The following PTPRG variants were observed in gnomAD, a reference collection of about 807,000 sequenced individuals.
PTPRG encodes protein tyrosine phosphatase receptor type G, also known as receptor-type tyrosine-protein phosphatase gamma.
Under a neutral mutation model 165.3 loss-of-function variants are expected in PTPRG, and 102 were observed. The observed-to-expected ratio is 0.62, with a 90% confidence interval of 0.53 to 0.73. The LOEUF is 0.73. Among genes scored for constraint, PTPRG ranks in the 30% least tolerant of loss-of-function variants. The probability of loss-of-function intolerance (pLI) is 0.00; values close to 1 mark genes in which losing one functional copy is unlikely to be tolerated. For missense variants in PTPRG, 1,866 were observed against 1,861.4 expected (o/e 1.00, Z -0.05); for synonymous variants, 675 against 669.5 (o/e 1.01, Z -0.13).
chr3:61,601,546 C>CA (rs757030628), intron 1 of PTPRG, among the ~76,000 whole-genome samples: 1 of 152,114 alleles, frequency 6.6e-6, no homozygotes, highest in Non-Finnish European at 1.5e-5. Context: ...TCAACAAAAA[C>CA]AAAAACGATG....
chr3:62,012,417 C>G (rs111561656), intron 4 of PTPRG, among the ~76,000 whole-genome samples: 3 of 152,200 alleles, frequency 2.0e-5, no homozygotes, highest in East Asian at 1.9e-4. Context: ...GCTTATTGTA[C>G]CAGTTGAGTG....
At chr3:62,183,453 A>G (rs745591878) in intron 8 of PTPRG, among the ~76,000 whole-genome samples, 1 of 151,946 alleles carries the variant, frequency 6.6e-6, no homozygotes. Context: ...AATCTCAGCT[A>G]CTTGGGAGGC....
intron 5 of PTPRG, among the ~76,000 whole-genome samples, chr3:62,116,204 G>C (rs988066141): frequency 2.0e-5 from 3 of 152,076 alleles, no homozygotes; most frequent in Non-Finnish European, 2.9e-5. Context: ...GTGAGGTTCT[G>C]CTGACTTCCG....
chr3:61,767,894 T>G (rs887977438), intron 2 of PTPRG, among the ~76,000 whole-genome samples: 68 of 144,186 alleles, frequency 4.7e-4, no homozygotes, highest in African/African-American at 1.7e-3. Context: ...TGCTTGAGCC[T>G]GGGAGGTTGA....
In PTPRG at chr3:62,146,024, G is replaced by A. The variant is rs1398023626; in HGVS notation, c.683-11043G>A. Among the ~76,000 whole-genome samples, 3 of 152,200 alleles carry A rather than the reference G, an allele frequency of 2.0e-5. No homozygotes were observed. The East Asian group carries it at 5.8e-4, about 29-fold the overall frequency. ...ACTGAGCATCAAAAGGAAGCTAAAAGAATGTACACGTCGTGTCAGTTATGG... is the reference window on the plus strand; with the variant it reads ...ACTGAGCATCAAAAGGAAGCTAAAAAAATGTACACGTCGTGTCAGTTATGG... On this transcript the variant is annotated intron_variant, in intron 6 of 29. Transcript: ENST00000474889.
intron 1 of PTPRG, among the ~76,000 whole-genome samples, chr3:61,647,895 A>T (rs576686610): frequency 1.3e-5 from 2 of 150,968 alleles, no homozygotes; most frequent in South Asian, 2.1e-4. Flanking sequence ...ATGCCTTGAG[A>T]TGTTCCCTTA....
intron 9 of PTPRG, 74 bp downstream of exon 9, chr3:62,191,727 T>C (rs1204826880): frequency 3.6e-6 from 5 of 1,404,046 alleles, no homozygotes; most frequent in Non-Finnish European, 4.9e-6. Context: ...TGCCAGGCAC[T>C]GCACAGTGTG....
At chr3:61,730,157 TGTAAGGGA>T (rs1193362843) in intron 1 of PTPRG, among the ~76,000 whole-genome samples, 2 of 152,210 alleles carry the variant, frequency 1.3e-5, no homozygotes, top group Admixed American at 1.3e-4. Flanking sequence ...GCAGCTTGCC[TGTAAGGGA>T]TACCGTCTGT....
intron 3 of PTPRG, among the ~76,000 whole-genome samples, chr3:61,998,641 A>G (rs1472693358): frequency 2.6e-5 from 4 of 152,224 alleles, no homozygotes; most frequent in Admixed American, 6.5e-5. Flanking sequence ...TCAAGAAGGT[A>G]TAGACCTCCA....
intron 1 of PTPRG, among the ~76,000 whole-genome samples, chr3:61,670,772 T>C (rs1473349048): frequency 6.6e-6 from 1 of 152,168 alleles, no homozygotes; most frequent in Non-Finnish European, 1.5e-5. Flanking sequence ...CATGGTTGAG[T>C]CTGCTGTCGT....
At chr3:62,014,635 G>C (rs2041498191) in intron 4 of PTPRG, among the ~76,000 whole-genome samples, 1 of 152,108 alleles carries the variant, frequency 6.6e-6, no homozygotes, top group Non-Finnish European at 1.5e-5. Flanking sequence ...CCTGATTAGG[G>C]AAGACTTGGA....
intron 16 of PTPRG, among the ~76,000 whole-genome samples, chr3:62,256,163 T>A (rs1701530435): frequency 6.6e-6 from 1 of 152,160 alleles, no homozygotes; most frequent in East Asian, 1.9e-4. Context: ...CCCATCTCTT[T>A]CAACAAAATT....
intron 3 of PTPRG, among the ~76,000 whole-genome samples, chr3:61,996,498 C>T (rs994894282): frequency 2.2e-4 from 34 of 152,280 alleles, no homozygotes; most frequent in African/African-American, 8.2e-4. Context: ...GACTGCCAAG[C>T]TTCTGATTAA....
chr3:61,999,056 C>CT (rs909368134), intron 3 of PTPRG, among the ~76,000 whole-genome samples: 64 of 151,010 alleles, frequency 4.2e-4, no homozygotes, highest in Admixed American at 6.0e-4. Flanking sequence ...CTCTTTTTTT[C>CT]TTTTTTTTTG....
chr3:61,672,768 GGAGAGGGAGAGAGGGAGA>G (rs1168022179), intron 1 of PTPRG, among the ~76,000 whole-genome samples: 18 of 143,106 alleles, frequency 1.3e-4, no homozygotes, highest in South Asian at 4.4e-4. Context: ...GGGAGAAGAG[GGAGAGGGAGAGAGGGAGA>G]GAGAGGGAGA....
intron 1 of PTPRG, among the ~76,000 whole-genome samples, chr3:61,672,733 GGGGAGA>G (rs150569166): frequency 0.72 from 84,968 of 118,368 alleles, 31,191 homozygotes; most frequent in South Asian, 0.85. Context: ...GGGAGACTGT[GGGGAGA>G]GGGAGAGGGA....
intron 16 of PTPRG, among the ~76,000 whole-genome samples, chr3:62,259,678 A>C (rs1293387268): frequency 6.6e-6 from 1 of 152,200 alleles, no homozygotes; most frequent in Admixed American, 6.5e-5. Flanking sequence ...TTTCATGAAA[A>C]ATAATTCTTA....
chr3:61,985,508 T>C (rs1281701976), intron 2 of PTPRG, among the ~76,000 whole-genome samples: 1 of 152,220 alleles, frequency 6.6e-6, no homozygotes, highest in Non-Finnish European at 1.5e-5. Flanking sequence ...GATTATCTAA[T>C]ATAATCCTTA....
At chr3:61,594,275 G>A (rs146443422) in intron 1 of PTPRG, among the ~76,000 whole-genome samples, 3 of 152,098 alleles carry the variant, frequency 2.0e-5, no homozygotes, top group African/African-American at 7.2e-5. Flanking sequence ...GGCGCCGGGT[G>A]GATTACAATG....
Sources: gnomAD v4.1 joint callset for allele counts (sites outside exome capture counted in the v4.1 genomes callset) on GRCh38, gnomAD v4.1.1 for gene constraint, MANE v1.5 for transcripts, NCBI Gene and HGNC (gene_info 2026-07-23, HGNC 2026-07-21) for gene names.